ST6GALNAC1: variants seen among roughly 807,000 people sequenced by gnomAD.
ST6GALNAC1 encodes alpha-N-acetylgalactosaminide alpha-2,6-sialyltransferase 1.
ST6GALNAC1 carries 45 observed loss-of-function variants against 56.8 expected under a neutral mutation model. That is an observed-to-expected ratio of 0.79 (90% CI 0.62 to 1.02). ST6GALNAC1 has a LOEUF of 1.02. Ranked by LOEUF, ST6GALNAC1 falls within the 50% of genes least tolerant of loss-of-function variation. The pLI is 0.00. For missense variants in ST6GALNAC1, 743 were observed against 754.8 expected (o/e 0.98, Z 0.18); for synonymous variants, 295 against 297.8 (o/e 0.99, Z 0.10).
chr17:76,636,139 G>A (rs2075970684), intron 1 of ST6GALNAC1, among the ~76,000 whole-genome samples: 1 of 152,154 alleles, frequency 6.6e-6, no homozygotes, highest in African/African-American at 2.4e-5. Flanking sequence ...AGAATCTACT[G>A]TTAGTACCTC....
At chr17:76,640,153 G>A (rs1461380931) in intron 1 of ST6GALNAC1, among the ~76,000 whole-genome samples, 1 of 152,164 alleles carries the variant, frequency 6.6e-6, no homozygotes, top group Non-Finnish European at 1.5e-5. Flanking sequence ...CTGTTCTGGA[G>A]TGAGTGTCCC....
intron 1 of ST6GALNAC1, among the ~76,000 whole-genome samples, chr17:76,639,524 A>G (rs2076017997): frequency 6.6e-6 from 1 of 152,106 alleles, no homozygotes; most frequent in Admixed American, 6.6e-5. Flanking sequence ...GCAATGAGCC[A>G]AGATCGCGCC....
In ST6GALNAC1 at chr17:76,627,630, C is replaced by T; in HGVS notation, c.832-47G>A. On this transcript the variant is annotated intron_variant, in intron 2 of 8. Transcript: ENST00000156626. The surrounding 1 kb of genome is among the most constrained non-coding windows in gnomAD (Gnocchi z 4.4). ...CAGGAAGGGAGAGACCCAGAAAGGCCATCGGCCAGGGGCTGCACCACTGCA... is the reference window on the plus strand; with the variant it reads ...CAGGAAGGGAGAGACCCAGAAAGGCTATCGGCCAGGGGCTGCACCACTGCA... 6.3e-7 allele frequency: 1 copy of T among 1,587,594 alleles called. No individual in the cohort carries two copies. The highest frequency in any genetic ancestry group is 1.3e-5 in the African/African-American group (1 of 74,368).
chr17:76,630,272 C>A (rs577219372), intron 1 of ST6GALNAC1, among the ~76,000 whole-genome samples: 1 of 152,076 alleles, frequency 6.6e-6, no homozygotes, highest in Non-Finnish European at 1.5e-5. Flanking sequence ...TATTGTTATT[C>A]GAGGCAGGAA....
downstream of ST6GALNAC1, among the ~76,000 whole-genome samples, chr17:76,619,976 T>C (rs1248275358): frequency 1.3e-5 from 2 of 152,120 alleles, no homozygotes; most frequent in Non-Finnish European, 2.9e-5. Flanking sequence ...ACTCCTGACC[T>C]CAGGTGATCC....
rs1212356695 is a variant in ST6GALNAC1 at position 76,625,923 on chromosome 17, G to A, written c.1506-5C>T. ...AGGGTCTTAGACCTCAGAAACCTGT[G>A]AAATGCCCCAAACCCCCAACTGTCA... On this transcript the variant is annotated splice_region_variant and splice_polypyrimidine_tract_variant and intron_variant, in intron 7 of 8. Transcript: ENST00000156626. 2.5e-6 allele frequency: 4 copies of A among 1,589,352 alleles called. No homozygotes were observed. The African/African-American group carries it at 5.4e-5, about 21-fold the overall frequency.
At chr17:76,641,073 C>G (rs887396675) in intron 1 of ST6GALNAC1, among the ~76,000 whole-genome samples, 11 of 152,298 alleles carry the variant, frequency 7.2e-5, no homozygotes, top group Middle Eastern at 3.4e-3. Context: ...GCTGCAAGGT[C>G]ACTAGGCAGA....
chr17:76,628,275 C>CTTCT (rs2075840299), intron 2 of ST6GALNAC1, among the ~76,000 whole-genome samples: 1 of 143,854 alleles, frequency 7.0e-6, no homozygotes. Flanking sequence ...TCCCTCCTTC[C>CTTCT]TTCCTTCCTT....
chr17:76,619,749 T>TTTG, the ST6GALNAC1 span, among the ~76,000 whole-genome samples: 1 of 144,690 alleles, frequency 6.9e-6, no homozygotes, highest in East Asian at 2.0e-4. Flanking sequence ...AGTTTTTTTT[T>TTTG]TTTTTTTTTT....
At chr17:76,642,274 G>C (rs1397342134) in intron 1 of ST6GALNAC1, among the ~76,000 whole-genome samples, 1 of 135,670 alleles carries the variant, frequency 7.4e-6, no homozygotes, top group African/African-American at 3.2e-5. Flanking sequence ...ATAGCATAAA[G>C]GTAATGAGCA....
At chr17:76,643,476 A>G (rs1327621185) in intron 1 of ST6GALNAC1, 32 bp downstream of exon 1, 1 of 1,611,062 alleles carries the variant, frequency 6.2e-7, no homozygotes, top group Non-Finnish European at 8.5e-7. Flanking sequence ...AAATGAATGA[A>G]ATATGAGGAG....
intron 1 of ST6GALNAC1, among the ~76,000 whole-genome samples, chr17:76,637,271 C>CAAAAAAAAA (rs1567961276): frequency 7.2e-5 from 1 of 13,882 alleles, no homozygotes; most frequent in Non-Finnish European, 1.3e-4. Flanking sequence ...TCAATAAATA[C>CAAAAAAAAA]TAAAAAAAAA....
chr17:76,629,604 A>G lies in ST6GALNAC1; in HGVS notation c.239T>C (p.Val80Ala), dbSNP rs8077382. The change falls in exon 2 of 9, where the codon GTG (valine) becomes GCG (alanine). Residue 80 changes from valine to alanine, a missense_variant. By Grantham distance (64) the Val-to-Ala change is moderately conservative (BLOSUM62 0). Coordinates refer to ENST00000156626, the MANE Select transcript of ST6GALNAC1 (RefSeq NM_018414.5). ...ARRTTIYAEP[V>A]PENNALNTQT... ...TGTGTTGAGGGCATTGTTCTCTGGC[A>G]CTGGCTCTGCATAGATGGTTGTCCT... 147,426 of 1,613,268 alleles carry G rather than the reference A, an allele frequency of 0.091. 7,465 individuals are homozygous for G. Among genetic ancestry groups the G allele is most frequent in the African/African-American group, 0.14 (10,391 of 74,694 alleles).
Position 76,627,639 on chromosome 17 carries a change from G to A in ST6GALNAC1, c.832-56C>T, listed in dbSNP as rs1466114564. The A allele has an allele frequency of 1.3e-6, 2 of 1,553,384 alleles. No individual in the cohort carries two copies. The highest frequency in any genetic ancestry group is 1.4e-5 in the African/African-American group (1 of 73,490). Reference sequence around the variant, plus strand: ...AGAGACCCAGAAAGGCCATCGGCCAGGGGCTGCACCACTGCAGCAAGGGCT... The same window carrying A: ...AGAGACCCAGAAAGGCCATCGGCCAAGGGCTGCACCACTGCAGCAAGGGCT... On this transcript the variant is annotated intron_variant, in intron 2 of 8. Transcript: ENST00000156626. This position sits in a 1 kb window ranked among gnomAD's most constrained non-coding sequence, Gnocchi z 4.4.
chr17:76,643,513 A>G lies in ST6GALNAC1; in HGVS notation c.126T>C (p.Pro42=). 1 of 1,613,934 alleles carries G rather than the reference A, an allele frequency of 6.2e-7. No homozygotes were observed. The highest frequency in any genetic ancestry group is 8.5e-7 in the Non-Finnish European group (1 of 1,179,910). ...GGAAAGGACAAGAATCTTACCTGGA[A>G]GGCTTTGTTTGAGGCTCCTTAATAA... The part of the protein sequence containing the change: ...PSFIKEPQTK[P]SRHQRTENIK... The change falls in exon 1 of 9, where the codon CCT becomes CCC. Residue 42 remains proline, a synonymous_variant. Transcript: ENST00000156626.
Position 76,629,056 on chromosome 17 carries a change from C to G in ST6GALNAC1, c.787G>C (p.Asp263His). 1 of 1,551,698 alleles carries G rather than the reference C, an allele frequency of 6.4e-7. No individual in the cohort carries two copies. The highest frequency in any genetic ancestry group is 8.7e-7 in the Non-Finnish European group (1 of 1,150,370). The part of the protein sequence containing the change: ...AANFKSEPRW[D>H]FEEKYSFEIG... ...TCGAAGCTGTATTTTTCCTCAAAAT[C>G]CCACCGAGGCTCAGATTTGAAGTTG... Residue 263 changes from aspartate to histidine, a missense_variant, in exon 2 of 9, where the codon GAT becomes CAT. By Grantham distance (81) the Asp-to-His change is moderately conservative. Coordinates refer to ENST00000156626, the MANE Select transcript of ST6GALNAC1 (RefSeq NM_018414.5).
chr17:76,625,355 G>C lies in ST6GALNAC1; in HGVS notation c.1778C>G (p.Pro593Arg), dbSNP rs1280062640. ...TCAGTTCTTGGCTTTGGCAGTTCCG[G>C]GACCAGGACGCTGGTACAGCCGGAT... The part of the protein sequence containing the change: ...GIIRLYQRPG[P>R]GTAKAKN The change falls in exon 9 of 9, where the codon CCC becomes CGC. Residue 593 changes from proline to arginine, a missense_variant. Physicochemically the swap from Pro to Arg is moderately radical, Grantham distance 103. Coordinates refer to ENST00000156626, the MANE Select transcript of ST6GALNAC1 (RefSeq NM_018414.5). The C allele has an allele frequency of 6.2e-7, 1 of 1,613,546 alleles. No individual in the cohort carries two copies. The highest frequency in any genetic ancestry group is 2.2e-5 in the East Asian group (1 of 44,898).
chr17:76,626,046 G>A lies in ST6GALNAC1; in HGVS notation c.1465C>T (p.Leu489=), dbSNP rs1360624441. 1.9e-6 allele frequency: 3 copies of A among 1,614,180 alleles called. No homozygotes were observed. The highest frequency in any genetic ancestry group is 1.1e-5 in the South Asian group (1 of 91,080). Residue 489 remains leucine, a synonymous_variant, in exon 7 of 9, where the codon CTG becomes TTG. Transcript: ENST00000156626. The part of the protein sequence containing the change: ...FREALHMDRY[L]LLHPDFLRYM... ...CGGAGAAAGTCTGGGTGCAGCAACA[G>A]GTACCTGTCCATGTGCAGGGCTTCC...
Position 76,625,180 on chromosome 17 carries a change from A to T in ST6GALNAC1, c.*150T>A. The T allele has an allele frequency of 1.3e-6, 1 of 762,320 alleles. No individual in the cohort carries two copies. Among genetic ancestry groups the T allele is most frequent in the Non-Finnish European group, 2.1e-6 (1 of 483,158 alleles). 47.2% of individuals were successfully genotyped at this position (762,320 alleles called of 1,614,324 possible). A position where few individuals can be genotyped will look rare whatever the true frequency, so the allele number is the denominator to read the frequency against. ...AATTAGCCATTTGCCATCTTGAGAG[A>T]GTCTTGTCCATGGTTCAAGTGTTCC... is the stretch of plus-strand genomic sequence containing the variant. On this transcript the variant is annotated 3_prime_UTR_variant, in exon 9 of 9. Transcript: ENST00000156626.
Sources: gnomAD v4.1 joint callset for allele counts (sites outside exome capture counted in the v4.1 genomes callset) on GRCh38, gnomAD v4.1.1 for gene constraint, Gnocchi (gnomAD v3.1) non-coding constraint, MANE v1.5 for transcripts, NCBI Gene and HGNC (gene_info 2026-07-23, HGNC 2026-07-21) for gene names.